PLEKHG7: variants seen among roughly 807,000 people sequenced by gnomAD.
PLEKHG7 encodes the protein pleckstrin homology domain-containing family G member 7.
PLEKHG7 carries 77 observed loss-of-function variants against 85.2 expected under a neutral mutation model. That is an observed-to-expected ratio of 0.90 (90% CI 0.75 to 1.09). The LOEUF (loss-of-function observed/expected upper bound fraction) is 1.09. Ranked by LOEUF, PLEKHG7 falls within the 50% of genes least tolerant of loss-of-function variation. The pLI is 0.00. For synonymous variants in PLEKHG7, 301 were observed against 302.4 expected, an observed-to-expected ratio of 1.00 and a Z score of 0.05; for missense variants, 777 against 804.3, an observed-to-expected ratio of 0.97 and a Z score of 0.41.
Position 92,737,379 on chromosome 12 carries a change from A to T in PLEKHG7, c.797A>T (p.Asp266Val). Residue 266 changes from aspartate to valine, a missense_variant and splice_region_variant, in exon 7 of 17, where the codon GAT (aspartate) becomes GTT (valine). By Grantham distance (152) the Asp-to-Val change is radical. Transcript: ENST00000344636. ...FRGYDFYGLKDKTWDEVLETH... is the reference protein window; with the variant it reads ...FRGYDFYGLKVKTWDEVLETH... ...TCTCTCTTTTTCCCTCATGTACAGG[A>T]TAAGACCTGGGATGAAGTCTTGGAA... is the stretch of plus-strand genomic sequence containing the variant. The T allele has an allele frequency of 6.6e-7, 1 of 1,510,788 alleles. No individual in the cohort carries two copies. The highest frequency in any genetic ancestry group is 8.8e-7 in the Non-Finnish European group (1 of 1,139,158). The allele number at this position is 1,510,788 out of a possible 1,614,324, so 93.6% of individuals were successfully genotyped here.
chr12:92,719,918 T>C (rs1370988532), intron 3 of PLEKHG7, among the ~76,000 whole-genome samples: 6 of 152,190 alleles, frequency 3.9e-5, no homozygotes, highest in Non-Finnish European at 8.8e-5. Context: ...CACTAGAGCA[T>C]GCAGGATGCA....
chr12:92,768,129 A>G (rs961204341), intron 15 of PLEKHG7, among the ~76,000 whole-genome samples: 2 of 151,776 alleles, frequency 1.3e-5, no homozygotes, highest in Non-Finnish European at 2.9e-5. Context: ...AACCATGTGA[A>G]CCTGGGAGGC....
intron 7 of PLEKHG7, 40 bp downstream of exon 7, chr12:92,737,561 T>A (rs913202989): frequency 1.3e-6 from 2 of 1,587,366 alleles, no homozygotes; most frequent in Admixed American, 1.8e-5. Context: ...TGGAAAATAT[T>A]AATTTGTTTT....
chr12:92,706,494 T>TC lies in PLEKHG7; in HGVS notation c.-136dup. 1 of 1,080,302 alleles carries TC rather than the reference T, an allele frequency of 9.3e-7. No homozygotes were observed. The highest frequency in any genetic ancestry group is 1.3e-6 in the Non-Finnish European group (1 of 769,552). 66.9% of individuals were successfully genotyped at this position (1,080,302 alleles called of 1,614,324 possible). ...AGATGCAATAACCTGCTTGACATTC[T>TC]CCTCTGGAAAAGGAAAAGAACTACG... On this transcript the variant is annotated 5_prime_UTR_variant, in exon 2 of 17. Coordinates refer to ENST00000344636, the MANE Select transcript of PLEKHG7 (RefSeq NM_001377329.1).
intron 16 of PLEKHG7, 21 bp from the exon 17 acceptor site, chr12:92,770,067 T>C: frequency 6.8e-6 from 10 of 1,466,528 alleles, no homozygotes; most frequent in Non-Finnish European, 8.4e-6. Context: ...TATTTATGTA[T>C]TTTTTTCTTT....
At chr12:92,714,389 G>T (rs1265296645) in intron 3 of PLEKHG7, among the ~76,000 whole-genome samples, 2 of 152,152 alleles carry the variant, frequency 1.3e-5, no homozygotes, top group Non-Finnish European at 2.9e-5. Context: ...GTCCTCCCGG[G>T]CATCCTATTC....
chr12:92,739,549 C>A (rs1000829433), intron 7 of PLEKHG7, among the ~76,000 whole-genome samples: 2 of 152,218 alleles, frequency 1.3e-5, no homozygotes, highest in Non-Finnish European at 2.9e-5. Context: ...GCTTTTCAAA[C>A]TGACATTTCC....
chr12:92,747,438 G>C (rs193064998), intron 10 of PLEKHG7, among the ~76,000 whole-genome samples: 1 of 152,148 alleles, frequency 6.6e-6, no homozygotes, highest in African/African-American at 2.4e-5. Context: ...TAGAGAAAAG[G>C]GAACTTTTGT....
chr12:92,754,125 C>A lies in PLEKHG7; in HGVS notation c.1287C>A (p.His429Gln). ...CEQNEQCRRL[H>Q]VPELLVAPLQ... ...AGAATGAACAATGCAGACGGCTCCACGTGCCAGAGCTGCTAGTGGCCCCAC... is the reference window on the plus strand; with the variant it reads ...AGAATGAACAATGCAGACGGCTCCAAGTGCCAGAGCTGCTAGTGGCCCCAC... Residue 429 changes from histidine (H) to glutamine (Q), a missense_variant, in exon 11 of 17, where the codon CAC becomes CAA. Coordinates refer to ENST00000344636, the MANE Select transcript of PLEKHG7 (RefSeq NM_001377329.1). 6.2e-7 allele frequency: 1 copy of A among 1,613,928 alleles called. No homozygotes were observed. The highest frequency in any genetic ancestry group is 8.5e-7 in the Non-Finnish European group (1 of 1,179,924).
intron 3 of PLEKHG7, among the ~76,000 whole-genome samples, chr12:92,720,072 GGCT>G (rs1871595128): frequency 1.3e-5 from 2 of 152,310 alleles, no homozygotes; most frequent in Middle Eastern, 3.4e-3. Context: ...CGTTTCCTGT[GGCT>G]GCTATGATAA....
intron 15 of PLEKHG7, among the ~76,000 whole-genome samples, chr12:92,767,002 CAA>C (rs1198175132): frequency 2.0e-5 from 3 of 152,078 alleles, no homozygotes; most frequent in East Asian, 1.9e-4. Flanking sequence ...TAAATGAGGA[CAA>C]GAGAGAGATT....
intron 10 of PLEKHG7, among the ~76,000 whole-genome samples, chr12:92,750,019 T>G (rs1872649649): frequency 1.4e-5 from 2 of 145,832 alleles, no homozygotes; most frequent in Non-Finnish European, 3.0e-5. Flanking sequence ...TTTATTTTAT[T>G]TTATTTTATT....
At chr12:92,761,535 T>TA (rs199792201) in intron 13 of PLEKHG7, among the ~76,000 whole-genome samples, 1,761 of 68,512 alleles carry the variant, frequency 0.026, 23 homozygotes, top group Middle Eastern at 0.052. Context: ...ATTCATTGAT[T>TA]AAAAAAAAGA....
At chr12:92,749,925 T>C (rs1462003769) in intron 10 of PLEKHG7, among the ~76,000 whole-genome samples, 1 of 125,838 alleles carries the variant, frequency 7.9e-6, no homozygotes, top group African/African-American at 3.3e-5. Context: ...TATTTTATTT[T>C]ATTTATTTTA....
chr12:92,720,734 C>T (rs1359243245), intron 3 of PLEKHG7, among the ~76,000 whole-genome samples: 1 of 152,168 alleles, frequency 6.6e-6, no homozygotes, highest in Non-Finnish European at 1.5e-5. Context: ...TACTAAGACC[C>T]TTTTTACAAA....
intron 3 of PLEKHG7, among the ~76,000 whole-genome samples, chr12:92,709,696 C>T (rs1871332596): frequency 6.6e-6 from 1 of 152,134 alleles, no homozygotes; most frequent in Non-Finnish European, 1.5e-5. Context: ...TTTCCATTGC[C>T]ATATGAAATC....
At chr12:92,736,406 A>AGAT in intron 5 of PLEKHG7, 76 bp from the exon 6 acceptor site, 1 of 912,850 alleles carries the variant, frequency 1.1e-6, no homozygotes, top group Non-Finnish European at 1.4e-6. Flanking sequence ...AATGAACGAA[A>AGAT]GATGCCAAGG....
intron 4 of PLEKHG7, among the ~76,000 whole-genome samples, chr12:92,730,449 C>T (rs905674963): frequency 6.6e-6 from 1 of 152,244 alleles, no homozygotes; most frequent in Non-Finnish European, 1.5e-5. Context: ...GGCTGCCCAC[C>T]CCCAAGACCT....
chr12:92,708,857 A>C (rs1871312080), intron 3 of PLEKHG7, among the ~76,000 whole-genome samples: 1 of 152,218 alleles, frequency 6.6e-6, no homozygotes, highest in Non-Finnish European at 1.5e-5. Context: ...GTGGGAGAGC[A>C]TTGAAATGTT....
Sources: gnomAD v4.1 joint callset for allele counts (sites outside exome capture counted in the v4.1 genomes callset) on GRCh38, gnomAD v4.1.1 for gene constraint, MANE v1.5 for transcripts, NCBI Gene and HGNC (gene_info 2026-07-23, HGNC 2026-07-21) for gene names.